NT5C2: variants seen among roughly 807,000 people sequenced by gnomAD.
NT5C2 encodes cytosolic purine 5'-nucleotidase.
NT5C2 carries 58 observed loss-of-function variants against 76.1 expected under a neutral mutation model. The observed-to-expected ratio is 0.76, with a 90% CI of 0.62 to 0.95. The LOEUF is 0.95. NT5C2 is among the 40% of genes least tolerant of loss of function. NT5C2 has a pLI of 0.00. For missense variants in NT5C2, 478 were observed against 690.3 expected (o/e 0.69, Z 3.45); for synonymous variants, 229 against 237.4 (o/e 0.96, Z 0.32).
intron 12 of NT5C2, among the ~76,000 whole-genome samples, chr10:103,094,710 T>C (rs891586691): frequency 7.2e-5 from 11 of 152,020 alleles, no homozygotes; most frequent in South Asian, 2.1e-4. Flanking sequence ...GGTGAAAACC[T>C]GTCTCTACTA....
In NT5C2 at chr10:103,088,983, G is replaced by C. The variant is rs115278688; in HGVS notation, c.*689C>G. Reference sequence around the variant, plus strand: ...ATAGATTTATCACAGATAAGAAGGAGGTTGTTTTTGGATAACAAATAAGCA... The same window carrying C: ...ATAGATTTATCACAGATAAGAAGGACGTTGTTTTTGGATAACAAATAAGCA... On this transcript the variant is annotated 3_prime_UTR_variant, in exon 19 of 19. Transcript: ENST00000404739. 3 of 209,014 alleles carry C rather than the reference G, an allele frequency of 1.4e-5. No individual in the cohort carries two copies. Among genetic ancestry groups the C allele is most frequent in the Non-Finnish European group, 2.9e-5 (3 of 102,760 alleles). 12.9% of individuals were successfully genotyped at this position (209,014 alleles called of 1,614,324 possible). A position where few individuals can be genotyped will look rare whatever the true frequency, so the allele number is the denominator to read the frequency against.
At chr10:103,128,048 TCCC>T (rs2077009232) in intron 4 of NT5C2, among the ~76,000 whole-genome samples, 1 of 17,538 alleles carries the variant, frequency 5.7e-5, no homozygotes, top group African/African-American at 2.7e-4. Context: ...ATCCGGTCTC[TCCC>T]TCTCCCTCTC....
chr10:103,180,117 G>A (rs376061275), intron 2 of NT5C2, among the ~76,000 whole-genome samples: 2 of 152,192 alleles, frequency 1.3e-5, no homozygotes, highest in Non-Finnish European at 2.9e-5. Flanking sequence ...TTTCATCAAA[G>A]AATATATACA....
chr10:103,154,965 T>C (rs539950242), intron 3 of NT5C2, among the ~76,000 whole-genome samples: 1 of 152,226 alleles, frequency 6.6e-6, no homozygotes, highest in Admixed American at 6.5e-5. Context: ...AAGACTTTAC[T>C]ATTGGCAAAG....
intron 6 of NT5C2, among the ~76,000 whole-genome samples, chr10:103,104,076 G>A (rs1316526077): frequency 1.3e-5 from 2 of 152,120 alleles, no homozygotes; most frequent in Non-Finnish European, 2.9e-5. Context: ...GGTCTCCTAG[G>A]CTCAAGAAGT....
chr10:103,130,075 C>G (rs372682341), intron 4 of NT5C2, among the ~76,000 whole-genome samples: 6 of 151,714 alleles, frequency 4.0e-5, no homozygotes, highest in Admixed American at 3.9e-4. Flanking sequence ...TCATTGAGAA[C>G]GGGCCAGGAT....
At chr10:103,175,610 G>C (rs1406949045) in intron 2 of NT5C2, 1 of 213,214 alleles carries the variant, frequency 4.7e-6, no homozygotes, top group East Asian at 1.0e-4. Context: ...GGTTGCGGCA[G>C]GTGCTTCCCC....
chr10:103,123,462 C>CTCACA (rs764429612), intron 4 of NT5C2, among the ~76,000 whole-genome samples: 52 of 152,174 alleles, frequency 3.4e-4, no homozygotes, highest in Non-Finnish European at 6.2e-4. Flanking sequence ...GGCTCAAGGG[C>CTCACA]TCACAGCCTC....
At chr10:103,190,097 T>C (rs868813962) in intron 1 of NT5C2, among the ~76,000 whole-genome samples, 6 of 144,554 alleles carry the variant, frequency 4.2e-5, no homozygotes, top group Admixed American at 1.5e-4. Flanking sequence ...GCCTCCTGGG[T>C]TCAAGCGATT....
At chr10:103,167,436 T>A (rs184649779) in intron 3 of NT5C2, among the ~76,000 whole-genome samples, 1 of 152,158 alleles carries the variant, frequency 6.6e-6, no homozygotes, top group African/African-American at 2.4e-5. Flanking sequence ...CACTGAATAT[T>A]TGAACCAATA....
intron 14 of NT5C2, 58 bp from the exon 15 acceptor site, chr10:103,093,367 A>G (rs531195603): frequency 5.4e-5 from 75 of 1,400,678 alleles, no homozygotes; most frequent in Non-Finnish European, 7.0e-5. Context: ...CAGCATTCCA[A>G]TAGTATTTAA....
intron 5 of NT5C2, 151 bp downstream of exon 5, chr10:103,106,438 G>C: frequency 3.2e-6 from 2 of 630,700 alleles, no homozygotes; most frequent in Non-Finnish European, 5.7e-6. Context: ...GGTAATTTTA[G>C]AATCAACATC....
At chr10:103,137,504 C>A (rs1364737471) in intron 4 of NT5C2, among the ~76,000 whole-genome samples, 6 of 152,182 alleles carry the variant, frequency 3.9e-5, no homozygotes, top group Non-Finnish European at 8.8e-5. Flanking sequence ...CGTGTTTGAA[C>A]ACGTATTATT....
chr10:103,091,540 G>A (rs1172178539), intron 16 of NT5C2, 24 bp downstream of exon 16: 2 of 1,590,116 alleles, frequency 1.3e-6, no homozygotes, highest in Non-Finnish European at 8.6e-7. Flanking sequence ...AAGTTTTTGG[G>A]AAAGAAATTT....
At chr10:103,165,387 G>A (rs896954759) in intron 3 of NT5C2, among the ~76,000 whole-genome samples, 17 of 151,988 alleles carry the variant, frequency 1.1e-4, no homozygotes, top group African/African-American at 3.9e-4. Flanking sequence ...CAGCTACTCG[G>A]GAAGCTGAGG....
intron 2 of NT5C2, among the ~76,000 whole-genome samples, chr10:103,177,960 A>C (rs1165229053): frequency 6.6e-6 from 1 of 152,180 alleles, no homozygotes; most frequent in Non-Finnish European, 1.5e-5. Context: ...GCCCCTGGCA[A>C]CAACCAATCT....
intron 4 of NT5C2, among the ~76,000 whole-genome samples, chr10:103,108,285 A>G (rs1052347774): frequency 6.6e-6 from 1 of 152,240 alleles, no homozygotes; most frequent in African/African-American, 2.4e-5. Flanking sequence ...ACAGCTAAAA[A>G]GACCTGCTAG....
chr10:103,098,919 T>G lies in NT5C2; in HGVS notation c.687+12A>C. 1 of 1,576,996 alleles carries G rather than the reference T, an allele frequency of 6.3e-7. No homozygotes were observed. Among genetic ancestry groups the G allele is most frequent in the Non-Finnish European group, 8.7e-7 (1 of 1,148,472 alleles). On this transcript the variant is annotated intron_variant, in intron 10 of 18. Transcript: ENST00000404739. The stretch of plus-strand genomic sequence containing the variant: ...GCTATTATGCAGATCTATTTTCCCC[T>G]ATATTACTTACATCTTTGACTACAT...
At chr10:103,192,866 A>AG (rs895816295) in intron 1 of NT5C2, among the ~76,000 whole-genome samples, 5 of 152,194 alleles carry the variant, frequency 3.3e-5, no homozygotes, top group Admixed American at 1.3e-4. Flanking sequence ...GCGTGAGGAA[A>AG]GGGGGGAAGA....
Sources: gnomAD v4.1 joint callset for allele counts (sites outside exome capture counted in the v4.1 genomes callset) on GRCh38, gnomAD v4.1.1 for gene constraint, MANE v1.5 for transcripts, NCBI Gene and HGNC (gene_info 2026-07-23, HGNC 2026-07-21) for gene names.